The following PC variants were observed in gnomAD, a reference collection of about 807,000 sequenced individuals.
The protein encoded by PC is pyruvate carboxylase, mitochondrial.
Under a neutral mutation model 107.8 loss-of-function variants are expected in PC, and 46 were observed. That is an observed-to-expected ratio of 0.43 (90% CI 0.34 to 0.55). PC has a LOEUF of 0.55. Among genes scored for constraint, PC ranks in the 20% least tolerant of loss-of-function variants. PC has a pLI of 0.04. For missense variants in PC, 1,241 were observed against 1,643.1 expected (o/e 0.76, Z 4.23); for synonymous variants, 662 against 684.7 (o/e 0.97, Z 0.52).
intron 3 of PC, among the ~76,000 whole-genome samples, chr11:66,885,726 A>AGTG (rs2135994914): frequency 6.6e-6 from 1 of 151,898 alleles, no homozygotes; most frequent in African/African-American, 2.4e-5. Flanking sequence ...AGAAGCTGGC[A>AGTG]GTGGCCAGGC....
intron 12 of PC, chr11:66,859,733 G>A: frequency 6.2e-7 from 1 of 1,610,782 alleles, no homozygotes; most frequent in Non-Finnish European, 8.5e-7. Context: ...CGGCCGCTGG[G>A]CCCTCTGACC....
chr11:66,949,676 AT>A (rs769146739), intron 3 of PC, among the ~76,000 whole-genome samples: 10 of 152,162 alleles, frequency 6.6e-5, no homozygotes, highest in Non-Finnish European at 1.0e-4. Context: ...CGCAAAAAAA[AT>A]AAATAAATAA....
At chr11:66,928,735 G>A (rs1174595396) in intron 3 of PC, among the ~76,000 whole-genome samples, 1 of 151,968 alleles carries the variant, frequency 6.6e-6, no homozygotes, top group Non-Finnish European at 1.5e-5. Flanking sequence ...ATGTTGGTCA[G>A]GCTGGTCTTG....
At chr11:66,912,961 C>A (rs1948371557) in intron 3 of PC, among the ~76,000 whole-genome samples, 1 of 152,282 alleles carries the variant, frequency 6.6e-6, no homozygotes, top group African/African-American at 2.4e-5. Context: ...CTCCTTCTCT[C>A]ATTACCGCAG....
At position 66,857,388 on chromosome 11, in the gene PC, A is replaced by T. The variant is rs1027030392; in HGVS notation, c.1369-4005T>A. 3.8e-5 allele frequency: 8 copies of T among 213,310 alleles called. No homozygotes were observed. The highest frequency in any genetic ancestry group is 5.6e-5 in the Admixed American group (1 of 17,942). 13.2% of individuals were successfully genotyped at this position (213,310 alleles called of 1,614,324 possible). On this transcript the variant is annotated intron_variant, in intron 12 of 22. Coordinates refer to ENST00000393960, the MANE Select transcript of PC (RefSeq NM_001040716.2). The surrounding 1 kb of genome is among the most constrained non-coding windows in gnomAD (Gnocchi z 7.1). ...CGGGGGGCGCCTTCTCTGGCGGGGGAGGGTATGGCGGGGAGTGGGGAGGCG... is the reference window on the plus strand; with the variant it reads ...CGGGGGGCGCCTTCTCTGGCGGGGGTGGGTATGGCGGGGAGTGGGGAGGCG...
At chr11:66,906,510 G>A (rs543610519) in intron 3 of PC, among the ~76,000 whole-genome samples, 59 of 152,302 alleles carry the variant, frequency 3.9e-4, no homozygotes, top group African/African-American at 1.3e-3. Context: ...TAGAACTCCC[G>A]GGGTGGGGAG....
intron 17 of PC, 48 bp downstream of exon 17, chr11:66,850,992 G>T: frequency 1.9e-6 from 3 of 1,609,534 alleles, no homozygotes; most frequent in Non-Finnish European, 1.7e-6. Context: ...TGGGTGGCGG[G>T]GACATGGCCG....
intron 1 of PC, among the ~76,000 whole-genome samples, chr11:66,957,318 G>C (rs1238572127): frequency 6.6e-6 from 1 of 152,202 alleles, no homozygotes; most frequent in Non-Finnish European, 1.5e-5. Context: ...ACAAAATAAA[G>C]ACACAATCTG....
rs754942279 is a variant in PC at position 66,849,239 on chromosome 11, C to T, written c.3279G>A (p.Gln1093=). 6.2e-6 allele frequency: 10 copies of T among 1,613,658 alleles called. No homozygotes were observed. The South Asian group carries it at 1.1e-4, about 18-fold the overall frequency. Residue 1093 remains glutamine, a synonymous_variant, in exon 22 of 23, where the codon CAG becomes CAA. Coordinates refer to ENST00000393960, the MANE Select transcript of PC (RefSeq NM_001040716.2). ...QLRSILVKDT[Q]AMKEMHFHPK... is the part of the protein sequence containing the mutation. ...CTGGGGGAGACAATACCTTCATGGC[C>T]TGGGTGTCCTTGACCAAGATGGACC...
intron 3 of PC, among the ~76,000 whole-genome samples, chr11:66,922,976 A>G (rs1208226416): frequency 1.3e-5 from 2 of 152,368 alleles, no homozygotes; most frequent in East Asian, 3.9e-4. Flanking sequence ...TCATAAGGAC[A>G]GAATGGCCCA....
intron 3 of PC, among the ~76,000 whole-genome samples, chr11:66,921,900 A>T (rs1037240210): frequency 1.3e-4 from 20 of 152,260 alleles, no homozygotes; most frequent in Admixed American, 4.6e-4. Context: ...TTTTCCCCAC[A>T]CTTTGGAACT....
chr11:66,889,926 C>A (rs1947506281), intron 3 of PC, among the ~76,000 whole-genome samples: 1 of 149,070 alleles, frequency 6.7e-6, no homozygotes, highest in Admixed American at 7.3e-5. Context: ...ACTTGTTTTA[C>A]CCAATATATA....
At chr11:66,860,261 G>A (rs565083513) in intron 12 of PC, 134 of 1,532,656 alleles carry the variant, frequency 8.7e-5, no homozygotes, top group Middle Eastern at 5.0e-4. Flanking sequence ...CGGGGCCGCC[G>A]CCTGGCCTGG....
intron 3 of PC, among the ~76,000 whole-genome samples, chr11:66,918,869 G>A (rs1218977463): frequency 3.9e-5 from 6 of 152,296 alleles, no homozygotes; most frequent in African/African-American, 1.2e-4. Flanking sequence ...GGAGGAGGGA[G>A]CAGCAACATT....
intron 3 of PC, among the ~76,000 whole-genome samples, chr11:66,876,029 T>TCAC (rs1228646576): frequency 6.6e-6 from 1 of 151,974 alleles, no homozygotes; most frequent in Non-Finnish European, 1.5e-5. Flanking sequence ...ATGTCAAAGG[T>TCAC]CGTGAGAGAC....
chr11:66,903,843 T>C, intron 3 of PC, among the ~76,000 whole-genome samples: 1 of 146,644 alleles, frequency 6.8e-6, no homozygotes, highest in South Asian at 2.2e-4. Flanking sequence ...TTTTTTTTAT[T>C]TAGAGACAGA....
Position 66,871,468 on chromosome 11 carries a change from C to G in PC, c.334G>C (p.Asp112His). The change falls in exon 6 of 23, where the codon GAT becomes CAT. Residue 112 changes from aspartate (D) to histidine (H), a missense_variant. By Grantham distance (81) the Asp-to-His change is moderately conservative. This residue lies in a region of PC where 1,143 missense variants were observed against 1,551.9 expected (regional missense o/e 0.74). Coordinates refer to ENST00000393960, the MANE Select transcript of PC (RefSeq NM_001040716.2). The surrounding 1 kb of genome is among the most constrained non-coding windows in gnomAD (Gnocchi z 7.4). ...AACCCGTAGCCAGGGTGCACTGCATCTACGTTGTTCTCCTGCAGGTGGGGG... is the reference window on the plus strand; with the variant it reads ...AACCCGTAGCCAGGGTGCACTGCATGTACGTTGTTCTCCTGCAGGTGGGGG... ...IIKVAKENNV[D>H]AVHPGYGFLS... The G allele has an allele frequency of 6.2e-7, 1 of 1,613,352 alleles. No homozygotes were observed. The highest frequency in any genetic ancestry group is 8.5e-7 in the Non-Finnish European group (1 of 1,180,020).
chr11:66,881,092 A>G (rs1258812927), intron 3 of PC, among the ~76,000 whole-genome samples: 1 of 152,144 alleles, frequency 6.6e-6, no homozygotes, highest in Non-Finnish European at 1.5e-5. Context: ...GGTGATACAC[A>G]CAAGCAAAGC....
chr11:66,889,826 T>TA (rs1168888820), intron 3 of PC, among the ~76,000 whole-genome samples: 1 of 152,226 alleles, frequency 6.6e-6, no homozygotes, highest in Non-Finnish European at 1.5e-5. Flanking sequence ...AATGCAGAGT[T>TA]ACTACTTCCC....
Sources: gnomAD v4.1 joint callset for allele counts (sites outside exome capture counted in the v4.1 genomes callset) on GRCh38, gnomAD v4.1.1 for gene constraint, gnomAD v4.1.1 regional missense constraint, Gnocchi (gnomAD v3.1) non-coding constraint, MANE v1.5 for transcripts, NCBI Gene and HGNC (gene_info 2026-07-23, HGNC 2026-07-21) for gene names.